The following LONP2 variants were observed in gnomAD, a reference collection of about 807,000 sequenced individuals.
LONP2 encodes lon protease homolog 2, peroxisomal.
In LONP2, 60 loss-of-function variants were observed where a neutral mutation model predicts 85.6. The observed-to-expected ratio is 0.70, with a 90% CI of 0.57 to 0.87. The LOEUF (loss-of-function observed/expected upper bound fraction) is 0.87, where lower values mean the gene tolerates loss of function less well. Among genes scored for constraint, LONP2 ranks in the 40% least tolerant of loss-of-function variants. LONP2 has a pLI of 0.00. For synonymous variants in LONP2, 395 were observed against 389.7 expected, an observed-to-expected ratio of 1.01 and a Z score of -0.16; for missense variants, 860 against 1,063.5, an observed-to-expected ratio of 0.81 and a Z score of 2.66.
At chr16:48,291,664 C>T (rs1388035439) in intron 8 of LONP2, among the ~76,000 whole-genome samples, 1 of 152,026 alleles carries the variant, frequency 6.6e-6, no homozygotes, top group African/African-American at 2.4e-5. Context: ...TGAAAGTGGC[C>T]CTGGATGTGG....
intron 12 of LONP2, chr16:48,336,449 C>A: frequency 2.2e-6 from 1 of 456,162 alleles, no homozygotes; most frequent in Non-Finnish European, 4.4e-6. Context: ...GGAGAGACCA[C>A]CAAACAGGCT....
intron 12 of LONP2, chr16:48,336,439 G>A (rs997408420): frequency 1.3e-5 from 6 of 456,072 alleles, no homozygotes; most frequent in Middle Eastern, 3.2e-4. Flanking sequence ...GCGTGCGTGC[G>A]GAGAGACCAC....
intron 11 of LONP2, 77 bp from the exon 12 acceptor site, chr16:48,334,135 TTTTG>T (rs1567347402): frequency 1.2e-5 from 17 of 1,371,112 alleles, no homozygotes; most frequent in Non-Finnish European, 1.3e-5. Context: ...TCCACTGGGC[TTTTG>T]TTTGATATTT....
chr16:48,309,889 A>G (rs1167246243), intron 11 of LONP2, among the ~76,000 whole-genome samples: 4 of 150,836 alleles, frequency 2.7e-5, no homozygotes, highest in Non-Finnish European at 4.4e-5. Context: ...TTCTTTGTTG[A>G]CTTTGTCTGT....
intron 7 of LONP2, among the ~76,000 whole-genome samples, chr16:48,272,959 C>A (rs1389505958): frequency 6.6e-6 from 1 of 152,170 alleles, no homozygotes; most frequent in Non-Finnish European, 1.5e-5. Context: ...AGAGAAAGAA[C>A]AACCGACAAT....
intron 12 of LONP2, among the ~76,000 whole-genome samples, chr16:48,337,106 A>G (rs781651974): frequency 4.6e-5 from 7 of 152,230 alleles, no homozygotes; most frequent in Admixed American, 1.3e-4. Context: ...AAGTTTGAAG[A>G]GATTAAATGA....
rs1024488133 is a variant in LONP2 at position 48,353,969 on chromosome 16, A to G, written c.*2167A>G. The G allele has an allele frequency of 6.6e-6, 1 of 150,480 alleles. No homozygotes were observed. The highest frequency in any genetic ancestry group is 2.5e-5 in the African/African-American group (1 of 40,816). The allele number at this position is 150,480 out of a possible 1,614,324, so 9.3% of individuals were successfully genotyped here. ...GTGTATGACATGGAACAGTATGACC[A>G]TTGCACTAGCTTTGTTTTTGGTTTG... On this transcript the variant is annotated 3_prime_UTR_variant, in exon 15 of 15. Coordinates refer to ENST00000285737, the MANE Select transcript of LONP2 (RefSeq NM_031490.5).
At chr16:48,358,928 T>C (rs547184755), downstream of LONP2, among the ~76,000 whole-genome samples, 4 of 152,292 alleles carry the variant, frequency 2.6e-5, no homozygotes, top group South Asian at 6.2e-4. Flanking sequence ...CTACATGAAC[T>C]TTATAATCAA....
intron 3 of LONP2, among the ~76,000 whole-genome samples, chr16:48,258,012 A>G (rs962457476): frequency 3.9e-5 from 6 of 152,238 alleles, no homozygotes; most frequent in African/African-American, 7.2e-5. Flanking sequence ...ATTCCCAGAA[A>G]GAGTTGACGT....
chr16:48,351,464 G>A (rs1960143698), intron 14 of LONP2, 117 bp from the exon 15 acceptor site: 1 of 757,932 alleles, frequency 1.3e-6, no homozygotes, highest in Non-Finnish European at 2.1e-6. Flanking sequence ...CAAAACGGAA[G>A]ATGATTTGGA....
Position 48,244,335 on chromosome 16 carries a change from G to A in LONP2, c.-54G>A, listed in dbSNP as rs1971205201. 2 of 1,331,198 alleles carry A rather than the reference G, an allele frequency of 1.5e-6. No homozygotes were observed. Among genetic ancestry groups the A allele is most frequent in the Non-Finnish European group, 2.0e-6 (2 of 998,274 alleles). 82.5% of individuals were successfully genotyped at this position (1,331,198 alleles called of 1,614,324 possible). A position where few individuals can be genotyped will look rare whatever the true frequency, so the allele number is the denominator to read the frequency against. ...TTTGGTGACTGCGGGGCAGGCCGGG[G>A]GCAGCTGTCTGTCTGGCTCTTTTTG... On this transcript the variant is annotated 5_prime_UTR_variant, in exon 1 of 15. Coordinates refer to ENST00000285737, the MANE Select transcript of LONP2 (RefSeq NM_031490.5).
chr16:48,333,866 A>G (rs1186495954), intron 11 of LONP2, among the ~76,000 whole-genome samples: 1 of 152,250 alleles, frequency 6.6e-6, no homozygotes, highest in Non-Finnish European at 1.5e-5. Flanking sequence ...GCTATAGGCC[A>G]TAAAGTTGAA....
intron 3 of LONP2, among the ~76,000 whole-genome samples, chr16:48,257,725 A>C (rs951139768): frequency 1.3e-5 from 2 of 152,232 alleles, no homozygotes; most frequent in Admixed American, 6.5e-5. Context: ...AACTGTTATA[A>C]TAGCAAATAC....
rs1235291678 is a variant in LONP2, at chr16:48,362,616, G to C, written c.*753G>C. On this transcript the variant is annotated 3_prime_UTR_variant, in exon 5 of 5. Coordinates refer to the LONP2 transcript ENST00000565867. The surrounding 1 kb of genome is among the most constrained non-coding windows in gnomAD (Gnocchi z 4.2). The stretch of plus-strand genomic sequence containing the variant: ...ATTACACTGAATGTGCACTTTATTA[G>C]GATCTGTACACTGGATAAGCTCTCT... 4.9e-6 allele frequency: 3 copies of C among 609,034 alleles called. No homozygotes were observed. In the Admixed American group the frequency reaches 9.3e-5, roughly 19 times the overall value. 37.7% of individuals were successfully genotyped at this position (609,034 alleles called of 1,614,324 possible). A position where few individuals can be genotyped will look rare whatever the true frequency, so the allele number is the denominator to read the frequency against.
chr16:48,319,446 T>G (rs1973216297), intron 11 of LONP2, among the ~76,000 whole-genome samples: 1 of 152,198 alleles, frequency 6.6e-6, no homozygotes, highest in South Asian at 2.1e-4. Context: ...TTTGTCTTCT[T>G]GGAACAGTCT....
In LONP2 at chr16:48,311,128, T is replaced by C. The variant is rs74017906; in HGVS notation, c.1795+7823T>C. On this transcript the variant is annotated intron_variant, in intron 11 of 14. Coordinates refer to ENST00000285737, the MANE Select transcript of LONP2 (RefSeq NM_031490.5). ...TAGACAGCCTGATGACTAGATGCCA[T>C]GGTGAGATCCTTCTCGCAATGTATT... is the stretch of plus-strand genomic sequence containing the variant. Among the ~76,000 whole-genome samples, 399 of 152,308 alleles carry C rather than the reference T, an allele frequency of 2.6e-3. 4 individuals carry two copies. Among genetic ancestry groups the C allele is most frequent in the African/African-American group, 8.8e-3 (366 of 41,568 alleles).
intron 7 of LONP2, 112 bp downstream of exon 7, chr16:48,270,386 G>T: frequency 8.7e-7 from 1 of 1,153,720 alleles, no homozygotes; most frequent in Non-Finnish European, 1.2e-6. Context: ...GGCTATGTGT[G>T]GTACCTTGAA....
downstream of LONP2, chr16:48,361,525 A>G: frequency 6.3e-6 from 10 of 1,582,988 alleles, no homozygotes; most frequent in Non-Finnish European, 8.6e-6. Flanking sequence ...TGGGTGCCTT[A>G]TTTTCTGTGA....
chr16:48,274,082 A>G (rs1972156604), intron 7 of LONP2, among the ~76,000 whole-genome samples: 1 of 152,192 alleles, frequency 6.6e-6, no homozygotes, highest in Non-Finnish European at 1.5e-5. Flanking sequence ...TGGTTTGCCC[A>G]CTATCCTTTC....
Sources: allele counts gnomAD v4.1 joint callset (sites outside exome capture counted in the v4.1 genomes callset), GRCh38; gene constraint gnomAD v4.1.1; non-coding constraint Gnocchi (gnomAD v3.1); transcripts MANE v1.5; gene names NCBI Gene and HGNC (gene_info 2026-07-23, HGNC 2026-07-21).